KCNH1: variants seen among roughly 807,000 people sequenced by gnomAD.
KCNH1 encodes potassium voltage-gated channel subfamily H member 1.
A neutral mutation model predicts 69.2 loss-of-function variants in KCNH1; 27 were observed. That is an observed-to-expected ratio of 0.39 (90% CI 0.29 to 0.54). KCNH1 has a LOEUF of 0.54. Ranked by LOEUF, KCNH1 falls within the 20% of genes least tolerant of loss-of-function variation. KCNH1 has a pLI of 0.68. For synonymous variants in KCNH1, 456 were observed against 487.7 expected, an observed-to-expected ratio of 0.93 and a Z score of 0.86; for missense variants, 798 against 1,261.6, an observed-to-expected ratio of 0.63 and a Z score of 5.57.
intron 7 of KCNH1, among the ~76,000 whole-genome samples, chr1:210,868,976 T>C (rs1249362560): frequency 2.0e-5 from 3 of 152,158 alleles, no homozygotes; most frequent in Admixed American, 1.3e-4. Context: ...CTGTCAGCTT[T>C]TGTTTGCCTG....
chr1:210,781,362 C>T lies in KCNH1; in HGVS notation c.1916-5818G>A, dbSNP rs370679382. Reference sequence around the variant, plus strand: ...AGTACAGTAAGGGTTGCCCTCCTCCCCCTATCCCACTGCCTTTATTCCTCT... The same window carrying T: ...AGTACAGTAAGGGTTGCCCTCCTCCTCCTATCCCACTGCCTTTATTCCTCT... On this transcript the variant is annotated intron_variant, in intron 9 of 10. Transcript: ENST00000271751. Among the ~76,000 whole-genome samples, 22 of 152,208 alleles carry T rather than the reference C, an allele frequency of 1.4e-4. No individual in the cohort carries two copies. The East Asian group carries it at 3.7e-3, about 25-fold the overall frequency.
chr1:211,079,577 G>C (rs985786939), intron 5 of KCNH1, among the ~76,000 whole-genome samples: 1 of 152,130 alleles, frequency 6.6e-6, no homozygotes, highest in Non-Finnish European at 1.5e-5. Context: ...AGTAAAATAC[G>C]GGCAAGCCAA....
At chr1:211,055,265 C>T (rs1010913678) in intron 5 of KCNH1, among the ~76,000 whole-genome samples, 3 of 152,182 alleles carry the variant, frequency 2.0e-5, no homozygotes, top group African/African-American at 4.8e-5. Context: ...GGAGGAAAAA[C>T]ACAGTGATTG....
At chr1:211,114,860 A>G (rs1295405200) in intron 1 of KCNH1, among the ~76,000 whole-genome samples, 1 of 152,228 alleles carries the variant, frequency 6.6e-6, no homozygotes, top group Non-Finnish European at 1.5e-5. Context: ...CAAATAATAT[A>G]TAATCTCCTA....
At chr1:210,973,423 T>C (rs1356293796) in intron 6 of KCNH1, among the ~76,000 whole-genome samples, 1 of 152,158 alleles carries the variant, frequency 6.6e-6, no homozygotes, top group Non-Finnish European at 1.5e-5. Context: ...TAATCAACCA[T>C]GAAATCATGT....
chr1:211,027,610 A>C (rs1689708172), intron 5 of KCNH1, among the ~76,000 whole-genome samples: 2 of 152,146 alleles, frequency 1.3e-5, no homozygotes, highest in Non-Finnish European at 2.9e-5. Flanking sequence ...AAAGAAAAAA[A>C]AAAGCAAAAT....
At position 210,904,374 on chromosome 1, in the gene KCNH1, C is replaced by T. The variant is rs533618086; in HGVS notation, c.1462+15266G>A. ...GCCTTCCCCCATGCTTCCCCACCCC[C>T]ACCACTCCAGGGCCTCATCTCTGGT... is the stretch of plus-strand genomic sequence containing the variant. On this transcript the variant is annotated intron_variant, in intron 7 of 10. Coordinates refer to ENST00000271751, the MANE Select transcript of KCNH1 (RefSeq NM_172362.3). Among the ~76,000 whole-genome samples, 6 of 152,244 alleles carry T rather than the reference C, an allele frequency of 3.9e-5. No homozygotes were observed. In the East Asian group the frequency reaches 9.7e-4, roughly 24 times the overall value.
chr1:211,116,822 C>T (rs1195580003), intron 1 of KCNH1, among the ~76,000 whole-genome samples: 1 of 152,166 alleles, frequency 6.6e-6, no homozygotes, highest in Non-Finnish European at 1.5e-5. Flanking sequence ...GTCAGTAACT[C>T]ATGGTCTAGA....
chr1:210,974,751 A>G (rs1417793927), intron 6 of KCNH1, among the ~76,000 whole-genome samples: 3 of 151,684 alleles, frequency 2.0e-5, no homozygotes, highest in Admixed American at 1.3e-4. Context: ...TTTAGTAAAG[A>G]CGGGGTTTCA....
intron 6 of KCNH1, among the ~76,000 whole-genome samples, chr1:211,016,908 C>CCAAAAAAA (rs1689502241): frequency 1.1e-5 from 1 of 90,742 alleles, no homozygotes. Flanking sequence ...GACTCTGTCT[C>CCAAAAAAA]AAAAAAAAAA....
chr1:210,722,817 A>C (rs987191398), intron 10 of KCNH1, among the ~76,000 whole-genome samples: 2 of 152,216 alleles, frequency 1.3e-5, no homozygotes, highest in African/African-American at 4.8e-5. Context: ...AACAGATGGA[A>C]GAAGAGAAAT....
intron 10 of KCNH1, among the ~76,000 whole-genome samples, chr1:210,691,782 G>C (rs1681532465): frequency 6.6e-6 from 1 of 152,200 alleles, no homozygotes; most frequent in Non-Finnish European, 1.5e-5. Context: ...CTTTTAACTT[G>C]TCAGGATGGA....
At chr1:210,811,568 T>C (rs1407362951) in intron 7 of KCNH1, among the ~76,000 whole-genome samples, 1 of 152,196 alleles carries the variant, frequency 6.6e-6, no homozygotes, top group Non-Finnish European at 1.5e-5. Flanking sequence ...TCCTCTTTGC[T>C]GTTGCTTTTG....
At chr1:211,107,480 TTCCC>T in intron 1 of KCNH1, 103 bp from the exon 2 acceptor site, 3 of 1,184,984 alleles carry the variant, frequency 2.5e-6, no homozygotes, top group Non-Finnish European at 3.6e-6. Flanking sequence ...ATATTTCTGA[TTCCC>T]TCCAAAACAT....
At chr1:210,686,744 A>G (rs186350859) in intron 10 of KCNH1, among the ~76,000 whole-genome samples, 31 of 152,312 alleles carry the variant, frequency 2.0e-4, no homozygotes, top group African/African-American at 7.2e-4. Context: ...GGGTGAGTCT[A>G]TTCCTTGTAA....
intron 6 of KCNH1, among the ~76,000 whole-genome samples, chr1:210,941,326 T>C (rs1239608410): frequency 6.6e-6 from 1 of 152,164 alleles, no homozygotes; most frequent in African/African-American, 2.4e-5. Flanking sequence ...AGTAAGAAGG[T>C]AGAAGCCTCC....
Position 210,862,339 on chromosome 1 carries a change from A to C in KCNH1, c.1462+57301T>G, listed in dbSNP as rs1685996890. The C allele has an allele frequency of 4.3e-6, 3 of 703,866 alleles. No individual in the cohort carries two copies. In the East Asian group the frequency reaches 8.5e-5, roughly 20 times the overall value. The allele number at this position is 703,866 out of a possible 1,614,324, so 43.6% of individuals were successfully genotyped here. A position where few individuals can be genotyped will look rare whatever the true frequency, so the allele number is the denominator to read the frequency against. On this transcript the variant is annotated intron_variant, in intron 7 of 10. Transcript: ENST00000271751. ...TGAGTGCTACTGGGCCAGGAATAGC[A>C]CTACTCACTGCACACATGGACCTGC... is the stretch of plus-strand genomic sequence containing the variant.
chr1:210,956,662 A>G (rs141309499), intron 6 of KCNH1, among the ~76,000 whole-genome samples: 1 of 151,972 alleles, frequency 6.6e-6, no homozygotes, highest in Non-Finnish European at 1.5e-5. Flanking sequence ...GTGTCCAGGA[A>G]TTTATCCATT....
chr1:211,029,457 T>C (rs1377594782), intron 5 of KCNH1, among the ~76,000 whole-genome samples: 1 of 145,776 alleles, frequency 6.9e-6, no homozygotes, highest in African/African-American at 2.5e-5. Flanking sequence ...AACACTCTTA[T>C]CAATTGATAT....
Sources: allele counts gnomAD v4.1 joint callset (sites outside exome capture counted in the v4.1 genomes callset), GRCh38; gene constraint gnomAD v4.1.1; transcripts MANE v1.5; gene names NCBI Gene and HGNC (gene_info 2026-07-23, HGNC 2026-07-21).